TDRD12: variants seen among roughly 807,000 people sequenced by gnomAD.
The protein encoded by TDRD12 is putative ATP-dependent RNA helicase TDRD12.
TDRD12 carries 158 observed loss-of-function variants against 133.5 expected under a neutral mutation model. The ratio of observed to expected loss-of-function variants is 1.18; its 90% CI spans 1.04 to 1.35. TDRD12 has a LOEUF of 1.35. Among genes scored for constraint, TDRD12 ranks in the 40% most tolerant of loss-of-function variants. The probability of loss-of-function intolerance (pLI) is 0.00; values close to 1 mark genes in which losing one functional copy is unlikely to be tolerated. For synonymous variants in TDRD12, 460 were observed against 477.9 expected (o/e 0.96, Z 0.49); for missense variants, 1,443 against 1,321.3 (o/e 1.09, Z -1.43).
intron 22 of TDRD12, 107 bp downstream of exon 22, chr19:32,807,755 A>T: frequency 1.3e-6 from 1 of 786,604 alleles, no homozygotes. Flanking sequence ...CCTTCCAGTG[A>T]TCAGTATTAA....
chr19:32,813,863 C>A, intron 25 of TDRD12, 87 bp downstream of exon 25: 1 of 756,592 alleles, frequency 1.3e-6, no homozygotes, highest in Non-Finnish European at 2.1e-6. Context: ...ACTTGAATAA[C>A]TGCTGCATAG....
Position 32,744,195 on chromosome 19 carries a change from T to C in TDRD12, c.440+1295T>C, listed in dbSNP as rs1027266494. ...TTTCCAAACCATTTGCACAGTACAG[T>C]CCCGTAAGTATATGGATGAATCTGA... On this transcript the variant is annotated intron_variant, in intron 4 of 27. Transcript: ENST00000444215. 2.6e-5 allele frequency among the ~76,000 whole-genome samples: 4 copies of C among 151,974 alleles called. No individual in the cohort carries two copies. In the South Asian group the frequency reaches 8.3e-4, roughly 32 times the overall value.
At chr19:32,815,766 T>A in intron 26 of TDRD12, 146 bp downstream of exon 26, 1 of 736,434 alleles carries the variant, frequency 1.4e-6, no homozygotes, top group Non-Finnish European at 2.1e-6. Context: ...GAGGCCAAGG[T>A]GGGCGGCTCA....
chr19:32,811,297 G>T (rs1408736042), exon 24 of TDRD12: 1 of 1,536,102 alleles, frequency 6.5e-7, no homozygotes. Context: ...GCAGGACGGG[G>T]CTCGTCACAA....
chr19:32,799,801 C>G (rs1391181435), intron 16 of TDRD12, among the ~76,000 whole-genome samples: 1 of 123,152 alleles, frequency 8.1e-6, no homozygotes, highest in Non-Finnish European at 1.6e-5. Context: ...ATGGCTTGAT[C>G]TTGGCTCACT....
At chr19:32,730,380 C>T (rs1044905593) in intron 1 of TDRD12, among the ~76,000 whole-genome samples, 1 of 152,152 alleles carries the variant, frequency 6.6e-6, no homozygotes, top group African/African-American at 2.4e-5. Context: ...AAGTGGATCT[C>T]ACCCAGGGAA....
rs1339457270 is a variant in TDRD12, at chr19:32,720,105, C to T, written c.24+9C>T. On this transcript the variant is annotated intron_variant, in intron 1 of 27. Transcript: ENST00000444215. ...AGCTCCTGGTGCTGAAGGTGAGCGC[C>T]GCCAAGCCAGACCCACGCCAGACCC... 39 of 1,547,428 alleles carry T rather than the reference C, an allele frequency of 2.5e-5. No homozygotes were observed. The highest frequency in any genetic ancestry group is 2.5e-5 in the East Asian group (1 of 40,808).
At chr19:32,811,280 G>A (rs1479074576) in exon 24 of TDRD12, 8 of 1,535,970 alleles carry the variant, frequency 5.2e-6, no homozygotes, top group South Asian at 1.2e-5. Flanking sequence ...AGAGTTCATC[G>A]ATGAAGGCAG....
At chr19:32,814,858 G>A (rs558053744) in intron 25 of TDRD12, among the ~76,000 whole-genome samples, 1 of 152,208 alleles carries the variant, frequency 6.6e-6, no homozygotes, top group Non-Finnish European at 1.5e-5. Context: ...CCCAGCCAGG[G>A]CAGGCCTGGA....
chr19:32,772,753 A>G (rs1970475094), exon 9 of TDRD12: 8 of 1,493,146 alleles, frequency 5.4e-6, no homozygotes, highest in Non-Finnish European at 6.2e-6. Context: ...TATTTTGCAG[A>G]CAAAGCTGTA....
intron 1 of TDRD12, among the ~76,000 whole-genome samples, chr19:32,728,437 A>G (rs1968926274): frequency 6.6e-6 from 1 of 151,954 alleles, no homozygotes; most frequent in Non-Finnish European, 1.5e-5. Flanking sequence ...AATTTCTTTC[A>G]GCAGCGTTTT....
intron 23 of TDRD12, among the ~76,000 whole-genome samples, 183 bp downstream of exon 23, chr19:32,810,460 C>A (rs1464811786): frequency 1.3e-5 from 2 of 152,202 alleles, no homozygotes; most frequent in African/African-American, 4.8e-5. Context: ...GCTCCTGAGC[C>A]CAGTGACACC....
chr19:32,736,708 G>A (rs1969235469), intron 2 of TDRD12, among the ~76,000 whole-genome samples: 1 of 152,188 alleles, frequency 6.6e-6, no homozygotes, highest in Admixed American at 6.5e-5. Context: ...ATCTCTATCA[G>A]TCCCCTTCCT....
chr19:32,757,667 T>C (rs945752032), intron 8 of TDRD12, among the ~76,000 whole-genome samples: 1 of 152,174 alleles, frequency 6.6e-6, no homozygotes, highest in Admixed American at 6.5e-5. Flanking sequence ...ATGTCTTGGA[T>C]AGGTTCTTGG....
chr19:32,776,629 T>G lies in TDRD12; in HGVS notation c.1041-520T>G, dbSNP rs41498048. On this transcript the variant is annotated intron_variant, in intron 10 of 27. Transcript: ENST00000444215. ...CTGGTGATTCTGTTTTTCAAGTGTT[T>G]GACTTCTCTCCCCTGCTGTTGGGGC... 8.4e-3 allele frequency among the ~76,000 whole-genome samples: 1,281 copies of G among 152,308 alleles called. 19 individuals carry two copies. The highest frequency in any genetic ancestry group is 0.03 in the African/African-American group (1,244 of 41,570).
At chr19:32,800,828 A>C in intron 18 of TDRD12, 56 bp downstream of exon 18, 1 of 1,453,106 alleles carries the variant, frequency 6.9e-7, no homozygotes, top group Non-Finnish European at 9.0e-7. Flanking sequence ...TCGAATCTCA[A>C]GTCATCACAA....
At chr19:32,780,727 T>C (rs570013625) in intron 11 of TDRD12, among the ~76,000 whole-genome samples, 1 of 152,210 alleles carries the variant, frequency 6.6e-6, no homozygotes, top group East Asian at 1.9e-4. Flanking sequence ...CACGGCTGCT[T>C]CTCTGTTTTC....
At chr19:32,771,054 T>C (rs1970429940) in intron 8 of TDRD12, among the ~76,000 whole-genome samples, 2 of 152,202 alleles carry the variant, frequency 1.3e-5, no homozygotes, top group African/African-American at 4.8e-5. Context: ...AGCATAGAGC[T>C]GGCATCTGCT....
At chr19:32,720,337 C>T (rs1212851665) in intron 1 of TDRD12, among the ~76,000 whole-genome samples, 1 of 81,616 alleles carries the variant, frequency 1.2e-5, no homozygotes, top group African/African-American at 5.3e-5. Flanking sequence ...TGTCCACTCC[C>T]TCTCAGCCCA....
Sources: allele counts gnomAD v4.1 joint callset (sites outside exome capture counted in the v4.1 genomes callset), GRCh38; gene constraint gnomAD v4.1.1; transcripts MANE v1.5; gene names NCBI Gene and HGNC (gene_info 2026-07-23, HGNC 2026-07-21).